Variants in NDFIP1 observed in about 807,000 individuals in gnomAD.
NDFIP1 encodes Nedd4 family interacting protein 1.
A neutral mutation model predicts 28.8 loss-of-function variants in NDFIP1; 7 were observed. The ratio of observed to expected loss-of-function variants is 0.24; its 90% CI spans 0.14 to 0.46. The LOEUF (loss-of-function observed/expected upper bound fraction) is 0.46, where lower values mean the gene tolerates loss of function less well. Ranked by LOEUF, NDFIP1 falls within the 20% of genes least tolerant of loss-of-function variation. The pLI is 0.99. For missense variants in NDFIP1, 194 were observed against 269.1 expected, an observed-to-expected ratio of 0.72 and a Z score of 1.95; for synonymous variants, 92 against 101.0, an observed-to-expected ratio of 0.91 and a Z score of 0.53.
intron 4 of NDFIP1, among the ~76,000 whole-genome samples, chr5:142,137,418 C>T (rs562062965): frequency 7.2e-5 from 11 of 152,202 alleles, no homozygotes; most frequent in Non-Finnish European, 1.3e-4. Context: ...CTGCTGGGCT[C>T]GGGATCCTCC....
intron 1 of NDFIP1, among the ~76,000 whole-genome samples, chr5:142,113,113 A>G (rs1255896596): frequency 6.6e-6 from 1 of 152,258 alleles, no homozygotes; most frequent in Non-Finnish European, 1.5e-5. Context: ...AGGTTCAAAC[A>G]GATTACAGAA....
In NDFIP1 at chr5:142,109,013, G is replaced by A; in HGVS notation, c.39G>A (p.Pro13=). 1 of 1,438,644 alleles carries A rather than the reference G, an allele frequency of 7.0e-7. No individual in the cohort carries two copies. Among genetic ancestry groups the A allele is most frequent in the Non-Finnish European group, 9.1e-7 (1 of 1,098,070 alleles). The allele number at this position is 1,438,644 out of a possible 1,614,324, so 89.1% of individuals were successfully genotyped here. ...TGGCGGCGCTGGCGGCGGTCGAGCC[G>A]GCCTGCGGCAGCCGGTACCAGCAGG... ...LALAALAAVE[P]ACGSRYQQLQ... The change falls in exon 1 of 8, where the codon CCG becomes CCA. Residue 13 remains proline (P), a synonymous_variant. Coordinates refer to ENST00000253814, the MANE Select transcript of NDFIP1 (RefSeq NM_030571.4).
chr5:142,119,297 G>C (rs534171255), intron 1 of NDFIP1, among the ~76,000 whole-genome samples: 3 of 152,164 alleles, frequency 2.0e-5, no homozygotes, highest in Admixed American at 2.0e-4. Context: ...ACATGTGTAA[G>C]TTGTATCAGA....
At position 142,153,497 on chromosome 5, in the gene NDFIP1, A is replaced by G. The variant is rs449454; in HGVS notation, c.*1769A>G. Reference sequence around the variant, plus strand: ...AGGAGCCTCCTGGATTGACATTTCAATGATCCCTCTAACCAGTTTATGGAT... The same window carrying G: ...AGGAGCCTCCTGGATTGACATTTCAGTGATCCCTCTAACCAGTTTATGGAT... On this transcript the variant is annotated 3_prime_UTR_variant, in exon 8 of 8. Transcript: ENST00000253814. The G allele has an allele frequency of 0.65, 289,302 of 446,410 alleles. 94,687 individuals carry two copies. The highest frequency in any genetic ancestry group is 0.78 in the African/African-American group (38,745 of 49,870). The allele number at this position is 446,410 out of a possible 1,614,324, so 27.7% of individuals were successfully genotyped here. A position where few individuals can be genotyped will look rare whatever the true frequency, so the allele number is the denominator to read the frequency against.
chr5:142,147,857 A>G lies in NDFIP1; in HGVS notation c.*2+3181A>G, dbSNP rs181105954. On this transcript the variant is annotated intron_variant, in intron 7 of 7. Coordinates refer to ENST00000253814, the MANE Select transcript of NDFIP1 (RefSeq NM_030571.4). ...TAAATTGCCTCTCTTGACATTGTCAACCTGAAGCCATCAAAAGGATCAGAA... is the reference window on the plus strand; with the variant it reads ...TAAATTGCCTCTCTTGACATTGTCAGCCTGAAGCCATCAAAAGGATCAGAA... Among the ~76,000 whole-genome samples, 41 of 152,328 alleles carry G rather than the reference A, an allele frequency of 2.7e-4. No homozygotes were observed. The East Asian group carries it at 4.6e-3, about 17-fold the overall frequency.
chr5:142,140,936 C>A (rs889936967), intron 6 of NDFIP1, among the ~76,000 whole-genome samples: 3 of 152,024 alleles, frequency 2.0e-5, no homozygotes, highest in Non-Finnish European at 4.4e-5. Context: ...CCCTTGTGAG[C>A]TATTGCCACA....
At position 142,151,849 on chromosome 5, in the gene NDFIP1, ATAAAG is replaced by A. The variant is rs1757449791; in HGVS notation, c.*124_*128del. ...AGGAATAATCACCTGCTTTAAAAAA[ATAAAG>A]TACTGTTGAAAAGATCATTTCTCTC... On this transcript the variant is annotated 3_prime_UTR_variant, in exon 8 of 8. Transcript: ENST00000253814. 1 of 152,940 alleles carries A rather than the reference ATAAAG, an allele frequency of 6.5e-6. No individual in the cohort carries two copies. The highest frequency in any genetic ancestry group is 2.4e-5 in the African/African-American group (1 of 41,584). 9.5% of individuals were successfully genotyped at this position (152,940 alleles called of 1,614,324 possible).
chr5:142,126,605 G>A (rs1246100072), intron 1 of NDFIP1, among the ~76,000 whole-genome samples: 1 of 152,184 alleles, frequency 6.6e-6, no homozygotes, highest in Non-Finnish European at 1.5e-5. Context: ...TTTGTTTAGT[G>A]TAGGGTTTTT....
At chr5:142,135,053 A>G (rs566092799) in intron 3 of NDFIP1, among the ~76,000 whole-genome samples, 30 of 151,788 alleles carry the variant, frequency 2.0e-4, no homozygotes, top group Middle Eastern at 6.8e-3. Context: ...ATCTTGGCTC[A>G]CTGCAAGCTC....
At chr5:142,145,415 G>C (rs249642) in intron 7 of NDFIP1, among the ~76,000 whole-genome samples, 102,573 of 151,932 alleles carry the variant, frequency 0.68, 34,981 homozygotes, top group African/African-American at 0.78. Context: ...AGAGCTCTCT[G>C]TGGTAGCAAG....
intron 1 of NDFIP1, among the ~76,000 whole-genome samples, chr5:142,124,841 TTGAGACG>T (rs1422728272): frequency 1.1e-4 from 17 of 152,150 alleles, no homozygotes; most frequent in Admixed American, 2.0e-4. Flanking sequence ...TTTTTTTTTT[TTGAGACG>T]GAGTCTCGCC....
intron 5 of NDFIP1, 85 bp from the exon 6 acceptor site, chr5:142,140,478 C>T (rs1757316698): frequency 1.9e-6 from 2 of 1,027,814 alleles, no homozygotes; most frequent in African/African-American, 1.7e-5. Context: ...ATAAGTCTTG[C>T]ATTTTGTGAT....
chr5:142,125,686 G>T (rs1327719698), intron 1 of NDFIP1, among the ~76,000 whole-genome samples: 1 of 152,146 alleles, frequency 6.6e-6, no homozygotes, highest in African/African-American at 2.4e-5. Context: ...TTGAGGAACT[G>T]CCAAACTTTT....
intron 1 of NDFIP1, among the ~76,000 whole-genome samples, chr5:142,129,875 C>G (rs149225129): frequency 3.4e-4 from 50 of 145,540 alleles, no homozygotes; most frequent in African/African-American, 1.2e-3. Flanking sequence ...CCCACCATTG[C>G]TCTCCAGCCT....
chr5:142,154,284 C>T lies in NDFIP1; in HGVS notation c.*2556C>T, dbSNP rs193279275. ...CAGGACGACTAGGATTCACCCATAA[C>T]GACACAGTGCCCTATGTTTCTTAAC... On this transcript the variant is annotated 3_prime_UTR_variant, in exon 8 of 8. Transcript: ENST00000253814. 3.7e-4 allele frequency: 57 copies of T among 152,360 alleles called. 1 individual carries two copies. The highest frequency in any genetic ancestry group is 1.2e-3 in the African/African-American group (49 of 41,542). The allele number at this position is 152,360 out of a possible 1,614,324, so 9.4% of individuals were successfully genotyped here.
intron 1 of NDFIP1, among the ~76,000 whole-genome samples, chr5:142,111,763 A>T (rs1561596594): frequency 6.6e-6 from 1 of 152,258 alleles, no homozygotes; most frequent in Non-Finnish European, 1.5e-5. Context: ...ATAGTGACAG[A>T]CTATGCAGAA....
chr5:142,132,787 A>C (rs1384481313), intron 3 of NDFIP1, among the ~76,000 whole-genome samples: 1 of 152,242 alleles, frequency 6.6e-6, no homozygotes, highest in African/African-American at 2.4e-5. Context: ...AGTCCAGATC[A>C]TGTCATTTGT....
At chr5:142,141,661 G>A (rs1030228927) in intron 6 of NDFIP1, among the ~76,000 whole-genome samples, 3 of 152,072 alleles carry the variant, frequency 2.0e-5, no homozygotes, top group African/African-American at 7.2e-5. Context: ...GAATAACAGG[G>A]CCATCTTGTG....
chr5:142,138,629 G>A (rs935346034), intron 5 of NDFIP1, among the ~76,000 whole-genome samples: 5 of 152,120 alleles, frequency 3.3e-5, no homozygotes, highest in African/African-American at 1.2e-4. Context: ...ATTTGTTAAC[G>A]TTTTTAGGGT....
Sources: gnomAD v4.1 joint callset for allele counts (sites outside exome capture counted in the v4.1 genomes callset) on GRCh38, gnomAD v4.1.1 for gene constraint, MANE v1.5 for transcripts, NCBI Gene and HGNC (gene_info 2026-07-23, HGNC 2026-07-21) for gene names.